C6: variants seen among roughly 807,000 people sequenced by gnomAD.
C6 encodes the protein complement component C6.
In C6, 101 loss-of-function variants were observed where a neutral mutation model predicts 112.9. That is an observed-to-expected ratio of 0.89 (90% CI 0.76 to 1.06). C6 has a LOEUF of 1.06. C6 is among the 50% of genes least tolerant of loss of function. The pLI is 0.00. For missense variants in C6, 1,202 were observed against 1,104.6 expected (o/e 1.09, Z -1.25); for synonymous variants, 431 against 384.1 (o/e 1.12, Z -1.43).
upstream of C6, among the ~76,000 whole-genome samples, chr5:41,218,112 A>C (rs1284219496): frequency 6.6e-6 from 1 of 152,172 alleles, no homozygotes; most frequent in African/African-American, 2.4e-5. Context: ...TAAGATACAA[A>C]GATGAATACT....
chr5:41,235,509 C>A (rs1357349671), intron 1 of C6, among the ~76,000 whole-genome samples: 3 of 143,904 alleles, frequency 2.1e-5, no homozygotes, highest in African/African-American at 7.9e-5. Context: ...CAAGTCTTTG[C>A]TATTGTGAAT....
chr5:41,227,753 C>T (rs1433948473), intron 1 of C6, among the ~76,000 whole-genome samples: 2 of 152,064 alleles, frequency 1.3e-5, no homozygotes, highest in African/African-American at 2.4e-5. Context: ...GTGATCTTGG[C>T]ATCTTTGTGA....
upstream of C6, among the ~76,000 whole-genome samples, chr5:41,218,107 T>A (rs191827593): frequency 1.3e-5 from 2 of 152,150 alleles, no homozygotes; most frequent in African/African-American, 2.4e-5. Context: ...GGACTTAAGA[T>A]ACAAAGATGA....
At chr5:41,216,742 A>G (rs1411562222), upstream of C6, among the ~76,000 whole-genome samples, 1 of 152,056 alleles carries the variant, frequency 6.6e-6, no homozygotes, top group African/African-American at 2.4e-5. Flanking sequence ...ATGAAACCAT[A>G]CCTTGAAGAT....
At chr5:41,147,710 A>G (rs1168835126) in intron 17 of C6, among the ~76,000 whole-genome samples, 1 of 152,226 alleles carries the variant, frequency 6.6e-6, no homozygotes, top group Non-Finnish European at 1.5e-5. Context: ...ATGTTCCACA[A>G]AGGAAATATC....
At chr5:41,230,098 A>G (rs1319579914) in intron 1 of C6, among the ~76,000 whole-genome samples, 1 of 152,162 alleles carries the variant, frequency 6.6e-6, no homozygotes, top group Non-Finnish European at 1.5e-5. Context: ...CTTTAATCTC[A>G]TAATCACGTT....
intron 1 of C6, among the ~76,000 whole-genome samples, chr5:41,251,267 G>A (rs1741343860): frequency 1.3e-5 from 2 of 152,172 alleles, no homozygotes; most frequent in South Asian, 4.1e-4. Context: ...AAAAGGTTGA[G>A]TAGTCCAAAT....
intron 1 of C6, among the ~76,000 whole-genome samples, chr5:41,208,187 A>C (rs922053888): frequency 2.6e-5 from 4 of 152,242 alleles, no homozygotes; most frequent in African/African-American, 9.6e-5. Flanking sequence ...ACAAAGACAT[A>C]ACATACCAGA....
intron 1 of C6, among the ~76,000 whole-genome samples, chr5:41,226,268 C>T (rs1739494593): frequency 6.6e-6 from 1 of 152,090 alleles, no homozygotes; most frequent in Non-Finnish European, 1.5e-5. Context: ...CAAAAACAAA[C>T]AACCCCATTA....
intron 6 of C6, 48 bp from the exon 7 acceptor site, chr5:41,181,607 A>C: frequency 7.0e-7 from 1 of 1,434,530 alleles, no homozygotes; most frequent in Non-Finnish European, 9.7e-7. Context: ...GAAATACTGG[A>C]GCGACTTGTG....
intron 1 of C6, among the ~76,000 whole-genome samples, chr5:41,254,872 G>A (rs1474915194): frequency 1.3e-5 from 2 of 152,164 alleles, no homozygotes; most frequent in African/African-American, 4.8e-5. Context: ...CTCAGTGAAA[G>A]CGTTTTAGTC....
intron 9 of C6, among the ~76,000 whole-genome samples, chr5:41,167,261 T>C (rs1580093983): frequency 6.6e-6 from 1 of 151,972 alleles, no homozygotes; most frequent in Non-Finnish European, 1.5e-5. Context: ...GCCAGGCTCT[T>C]GAGAGAGAAA....
intron 1 of C6, among the ~76,000 whole-genome samples, chr5:41,236,312 C>A: frequency 7.2e-6 from 1 of 139,668 alleles, no homozygotes; most frequent in Non-Finnish European, 1.5e-5. Context: ...CCAGTTTTCC[C>A]AGCACCATTT....
chr5:41,254,433 A>C (rs2150441749), intron 1 of C6, among the ~76,000 whole-genome samples: 1 of 152,270 alleles, frequency 6.6e-6, no homozygotes, highest in East Asian at 1.9e-4. Flanking sequence ...GAATAGTTTT[A>C]TAATTTTTGT....
intron 5 of C6, among the ~76,000 whole-genome samples, chr5:41,191,796 T>A (rs1436725883): frequency 6.6e-6 from 1 of 151,554 alleles, no homozygotes; most frequent in Non-Finnish European, 1.5e-5. Flanking sequence ...CTAGGGCCTT[T>A]TTTTTTTTGG....
chr5:41,181,539 G>A lies in C6; in HGVS notation c.747C>T (p.Asp249=), dbSNP rs1454580844. ...AATCCTTGTAGAAATCTGTTTTCAAGTCATCTTCTGCAGTTTGTACCTGGA... is the reference window on the plus strand; with the variant it reads ...AATCCTTGTAGAAATCTGTTTTCAAATCATCTTCTGCAGTTTGTACCTGGA... ...VGFEVQTAED[D]LKTDFYKDLT... is the part of the protein sequence containing the mutation. Residue 249 remains aspartate (D), a synonymous_variant, in exon 7 of 18, where the codon GAC becomes GAT. Coordinates refer to ENST00000337836, the MANE Select transcript of C6 (RefSeq NM_000065.5). 1 of 1,613,248 alleles carries A rather than the reference G, an allele frequency of 6.2e-7. No homozygotes were observed. The highest frequency in any genetic ancestry group is 1.3e-5 in the African/African-American group (1 of 74,916).
At chr5:41,162,804 A>T (rs1013975414) in intron 9 of C6, among the ~76,000 whole-genome samples, 1 of 152,196 alleles carries the variant, frequency 6.6e-6, no homozygotes, top group African/African-American at 2.4e-5. Flanking sequence ...CTGCTTTTAG[A>T]GTCAAGTGCA....
At chr5:41,183,772 C>A (rs1749540876) in intron 6 of C6, among the ~76,000 whole-genome samples, 1 of 152,174 alleles carries the variant, frequency 6.6e-6, no homozygotes, top group Admixed American at 6.6e-5. Context: ...TAATGTGGTA[C>A]ATATGTGCCA....
At chr5:41,223,187 T>C (rs1219966512) in intron 1 of C6, among the ~76,000 whole-genome samples, 2 of 152,170 alleles carry the variant, frequency 1.3e-5, no homozygotes, top group Admixed American at 1.3e-4. Flanking sequence ...TAACAGGTAT[T>C]GTTACCACAC....
Sources: allele counts gnomAD v4.1 joint callset (sites outside exome capture counted in the v4.1 genomes callset), GRCh38; gene constraint gnomAD v4.1.1; transcripts MANE v1.5; gene names NCBI Gene and HGNC (gene_info 2026-07-23, HGNC 2026-07-21).